Variants in CHODL observed in about 807,000 individuals in gnomAD.
The protein encoded by CHODL is chondrolectin.
A neutral mutation model predicts 34.5 loss-of-function variants in CHODL; 29 were observed. The observed-to-expected ratio is 0.84, with a 90% confidence interval of 0.63 to 1.15. The LOEUF is 1.15. Ranked by LOEUF, CHODL falls within the 50% of genes most tolerant of loss-of-function variation. The pLI, the probability that CHODL is intolerant of heterozygous loss-of-function variation, is 0.00. For missense variants in CHODL, 332 were observed against 332.5 expected (o/e 1.00, Z 0.01); for synonymous variants, 125 against 116.1 (o/e 1.08, Z -0.49).
At chr21:18,025,980 T>C (rs2064171018) in intron 1 of CHODL, among the ~76,000 whole-genome samples, 1 of 152,196 alleles carries the variant, frequency 6.6e-6, no homozygotes, top group Admixed American at 6.5e-5. Flanking sequence ...ATACTGGGGA[T>C]TGGGACTTCA....
In CHODL at chr21:18,184,453, A is replaced by G. The variant is rs151014868; in HGVS notation, c.-44-72056A>G. 1.6e-4 allele frequency among the ~76,000 whole-genome samples: 25 copies of G among 152,334 alleles called. 1 individual carries two copies. In the East Asian group the frequency reaches 4.8e-3, roughly 29 times the overall value. On this transcript the variant is annotated intron_variant, in intron 2 of 6. Coordinates refer to the CHODL transcript ENST00000400127. ...TATCATATTTTTGAAGAATTAAATG[A>G]TGATAGGAATAAGCACATTTGGTTT...
intron 1 of CHODL, among the ~76,000 whole-genome samples, chr21:18,003,036 T>C (rs988758400): frequency 1.3e-5 from 2 of 148,920 alleles, no homozygotes; most frequent in Non-Finnish European, 1.5e-5. Context: ...GGCAGGAGAA[T>C]GGCGTGAACC....
At chr21:18,147,474 G>A (rs983798312) in intron 2 of CHODL, among the ~76,000 whole-genome samples, 1 of 152,164 alleles carries the variant, frequency 6.6e-6, no homozygotes, top group Non-Finnish European at 1.5e-5. Flanking sequence ...TAAATAAAAA[G>A]ACAAGATCTT....
At chr21:17,979,037 A>G (rs1463761407) in intron 1 of CHODL, among the ~76,000 whole-genome samples, 1 of 152,092 alleles carries the variant, frequency 6.6e-6, no homozygotes, top group African/African-American at 2.4e-5. Context: ...GCTGGAGAAC[A>G]TTCTCTGCGT....
At chr21:17,967,092 C>G (rs1026187790) in intron 1 of CHODL, among the ~76,000 whole-genome samples, 2 of 152,094 alleles carry the variant, frequency 1.3e-5, no homozygotes, top group Non-Finnish European at 2.9e-5. Flanking sequence ...ACCATGTTGA[C>G]CATGCTAGTC....
exon 2 of CHODL, chr21:18,027,879 C>G (rs573764902): frequency 1.3e-5 from 2 of 152,666 alleles, no homozygotes; most frequent in South Asian, 2.1e-4. Context: ...GAGAATACAA[C>G]AAGAAGATGC....
intron 2 of CHODL, among the ~76,000 whole-genome samples, chr21:18,194,881 G>C (rs1204442599): frequency 6.6e-6 from 1 of 151,792 alleles, no homozygotes; most frequent in Non-Finnish European, 1.5e-5. Flanking sequence ...TTGTTTTGAA[G>C]TATGTATATA....
intron 2 of CHODL, among the ~76,000 whole-genome samples, chr21:18,231,987 A>G (rs955886345): frequency 6.6e-6 from 1 of 151,542 alleles, no homozygotes; most frequent in Non-Finnish European, 1.5e-5. Flanking sequence ...TCACTGGAAC[A>G]CTCCAGGCCT....
chr21:17,957,903 T>C (rs908367352), intron 1 of CHODL, among the ~76,000 whole-genome samples: 3 of 151,610 alleles, frequency 2.0e-5, no homozygotes, highest in African/African-American at 7.2e-5. Context: ...TCTTTATAAA[T>C]ACCCCTCAGA....
chr21:18,020,532 T>C (rs926255609), intron 1 of CHODL, among the ~76,000 whole-genome samples: 11 of 152,170 alleles, frequency 7.2e-5, no homozygotes, highest in African/African-American at 2.7e-4. Context: ...TGGCCTAATT[T>C]TGAGAGATGA....
At chr21:18,018,417 G>T (rs1178557604) in intron 1 of CHODL, among the ~76,000 whole-genome samples, 1 of 152,112 alleles carries the variant, frequency 6.6e-6, no homozygotes, top group African/African-American at 2.4e-5. Context: ...ATCCCTCATG[G>T]CTTGGTGCTG....
chr21:17,923,615 C>T (rs917303796), intron 1 of CHODL, among the ~76,000 whole-genome samples: 2 of 152,090 alleles, frequency 1.3e-5, no homozygotes, highest in Non-Finnish European at 1.5e-5. Flanking sequence ...GTGCCCGCCA[C>T]TATGTCCAGC....
chr21:18,098,490 C>A (rs913727429), intron 2 of CHODL, among the ~76,000 whole-genome samples: 1 of 151,990 alleles, frequency 6.6e-6, no homozygotes, highest in African/African-American at 2.4e-5. Context: ...AAAGTGCTCA[C>A]TTCTCATCAG....
At chr21:17,974,554 A>G (rs1349202204) in intron 1 of CHODL, among the ~76,000 whole-genome samples, 1 of 152,146 alleles carries the variant, frequency 6.6e-6, no homozygotes, top group East Asian at 1.9e-4. Flanking sequence ...ACAAGCGTGA[A>G]CCACCATGCC....
chr21:18,225,808 A>G (rs979032429), intron 2 of CHODL, among the ~76,000 whole-genome samples: 1 of 152,164 alleles, frequency 6.6e-6, no homozygotes, highest in Non-Finnish European at 1.5e-5. Flanking sequence ...AACCAGACAC[A>G]TAACAGTAAA....
intron 1 of CHODL, among the ~76,000 whole-genome samples, chr21:17,935,589 T>C (rs993471709): frequency 1.3e-4 from 20 of 152,234 alleles, no homozygotes; most frequent in African/African-American, 4.8e-4. Context: ...TGTCAAGAAT[T>C]ATCTTTTTTA....
Position 18,266,208 on chromosome 21 carries a change from A to G in CHODL, c.*170A>G. On this transcript the variant is annotated 3_prime_UTR_variant, in exon 6 of 6. Coordinates refer to ENST00000299295, the MANE Select transcript of CHODL (RefSeq NM_024944.3). The stretch of plus-strand genomic sequence containing the variant: ...TTTTTATATGTCTATTATTTCATTT[A>G]AAGAATATGCTGTGCTAATAATGGA... The G allele has an allele frequency of 6.5e-7, 1 of 1,535,810 alleles. No homozygotes were observed. Among genetic ancestry groups the G allele is most frequent in the Non-Finnish European group, 8.8e-7 (1 of 1,140,126 alleles).
At chr21:18,261,358 G>GAGAAA (rs1197424831) in intron 4 of CHODL, among the ~76,000 whole-genome samples, 40 of 132,716 alleles carry the variant, frequency 3.0e-4, no homozygotes, top group African/African-American at 1.4e-3. Context: ...CTTAAAGTAT[G>GAGAAA]ATAAAAAAAA....
intron 2 of CHODL, among the ~76,000 whole-genome samples, chr21:18,114,108 C>CA (rs1372361935): frequency 6.6e-6 from 1 of 151,996 alleles, no homozygotes; most frequent in Admixed American, 6.6e-5. Context: ...TTAATGGACA[C>CA]AGAAAGTAGA....
Sources: allele counts gnomAD v4.1 joint callset (sites outside exome capture counted in the v4.1 genomes callset), GRCh38; gene constraint gnomAD v4.1.1; transcripts MANE v1.5; gene names NCBI Gene and HGNC (gene_info 2026-07-23, HGNC 2026-07-21).